PPP1R9A: variants seen among roughly 807,000 people sequenced by gnomAD.
The protein encoded by PPP1R9A is protein phosphatase 1 regulatory subunit 9A, also known as neurabin-1.
Under a neutral mutation model 141.9 loss-of-function variants are expected in PPP1R9A, and 59 were observed. The ratio of observed to expected loss-of-function variants is 0.42; its 90% CI spans 0.34 to 0.52. PPP1R9A has a LOEUF of 0.52. Among genes scored for constraint, PPP1R9A ranks in the 20% least tolerant of loss-of-function variants. The pLI is 0.10. For missense variants in PPP1R9A, 1,444 were observed against 1,611.9 expected (o/e 0.90, Z 1.78); for synonymous variants, 500 against 569.7 (o/e 0.88, Z 1.74).
chr7:95,202,105 T>G (rs996584096), intron 6 of PPP1R9A, among the ~76,000 whole-genome samples: 1 of 152,332 alleles, frequency 6.6e-6, no homozygotes, highest in East Asian at 1.9e-4. Flanking sequence ...CTCTAAAAAC[T>G]ATATTGAGAA....
At chr7:95,035,918 C>T (rs1267785525) in intron 2 of PPP1R9A, 1 of 152,072 alleles carries the variant, frequency 6.6e-6, no homozygotes. Flanking sequence ...AATGCTGTCT[C>T]CTATTTAGGT....
At chr7:95,057,160 G>A (rs1811613571) in intron 2 of PPP1R9A, among the ~76,000 whole-genome samples, 1 of 151,850 alleles carries the variant, frequency 6.6e-6, no homozygotes, top group Non-Finnish European at 1.5e-5. Context: ...TTTTTCTGCT[G>A]TTGTTTGTTC....
intron 12 of PPP1R9A, among the ~76,000 whole-genome samples, chr7:95,267,108 G>A (rs1408138097): frequency 6.6e-6 from 1 of 152,008 alleles, no homozygotes; most frequent in Non-Finnish European, 1.5e-5. Context: ...TGTATCTCCT[G>A]GGCAAAAATG....
intron 8 of PPP1R9A, among the ~76,000 whole-genome samples, chr7:95,237,600 G>A (rs1002746457): frequency 6.6e-6 from 1 of 151,974 alleles, no homozygotes; most frequent in Non-Finnish European, 1.5e-5. Flanking sequence ...ATCTGAAAAA[G>A]CATATATTAA....
chr7:95,271,060 G>T (rs1030867228), intron 14 of PPP1R9A, among the ~76,000 whole-genome samples: 5 of 152,092 alleles, frequency 3.3e-5, no homozygotes, highest in African/African-American at 1.2e-4. Flanking sequence ...AGGTAAGGAG[G>T]GAATAGCGGG....
chr7:95,083,098 C>T (rs952811048), intron 2 of PPP1R9A, among the ~76,000 whole-genome samples: 5 of 151,596 alleles, frequency 3.3e-5, no homozygotes, highest in Non-Finnish European at 5.9e-5. Context: ...GGCTGTGGTC[C>T]CATAACAAAA....
intron 5 of PPP1R9A, among the ~76,000 whole-genome samples, chr7:95,171,037 G>T (rs1832030549): frequency 6.6e-6 from 1 of 151,444 alleles, no homozygotes; most frequent in Non-Finnish European, 1.5e-5. Flanking sequence ...GAAGAGGTAT[G>T]CTATAAGACA....
intron 2 of PPP1R9A, among the ~76,000 whole-genome samples, chr7:95,010,372 C>G (rs920125742): frequency 2.6e-4 from 39 of 152,050 alleles, no homozygotes; most frequent in Non-Finnish European, 4.9e-4. Context: ...CCACTGCACT[C>G]CAGCCTGGGT....
At chr7:95,194,724 A>AG (rs932617347) in intron 5 of PPP1R9A, among the ~76,000 whole-genome samples, 3 of 151,830 alleles carry the variant, frequency 2.0e-5, no homozygotes, top group Admixed American at 6.6e-5. Flanking sequence ...AATACCAAAA[A>AG]AAAAAAAAAA....
chr7:95,028,549 C>T (rs1029608058), intron 2 of PPP1R9A, among the ~76,000 whole-genome samples: 1 of 151,946 alleles, frequency 6.6e-6, no homozygotes, highest in African/African-American at 2.4e-5. Flanking sequence ...TATTAGAAAT[C>T]GTGTGATGGA....
rs552911331 is a variant in PPP1R9A at position 95,029,152 on chromosome 7, T to C, written c.1396-82107T>C. ...AATGTTAACATACAGAGGCCGCGTA[T>C]ATTCTTTGCACCAAATACTTTCCTT... On this transcript the variant is annotated intron_variant, in intron 2 of 19. Transcript: ENST00000433360. 3.3e-5 allele frequency among the ~76,000 whole-genome samples: 5 copies of C among 152,346 alleles called. No individual in the cohort carries two copies. In the East Asian group the frequency reaches 9.6e-4, roughly 29 times the overall value.
intron 2 of PPP1R9A, among the ~76,000 whole-genome samples, chr7:95,039,689 A>G (rs537763640): frequency 3.0e-4 from 45 of 152,126 alleles, no homozygotes; most frequent in Admixed American, 2.0e-3. Flanking sequence ...AAATAGGTCA[A>G]TAGAAGCTTC....
In PPP1R9A at chr7:95,194,843, C is replaced by T. The variant is rs964792634; in HGVS notation, c.1755-3506C>T. Among the ~76,000 whole-genome samples the T allele has an allele frequency of 4.0e-5, 6 of 151,814 alleles. No homozygotes were observed. The East Asian group carries it at 1.2e-3, about 29-fold the overall frequency. On this transcript the variant is annotated intron_variant, in intron 5 of 19. Transcript: ENST00000433360. Reference sequence around the variant, plus strand: ...AAATCTGAATGAATATAGAGATACACCATGTTCAGGGATCAGATAAGTCAA... The same window carrying T: ...AAATCTGAATGAATATAGAGATACATCATGTTCAGGGATCAGATAAGTCAA...
At chr7:95,084,493 G>A (rs547637590) in intron 2 of PPP1R9A, among the ~76,000 whole-genome samples, 5 of 151,866 alleles carry the variant, frequency 3.3e-5, no homozygotes, top group Non-Finnish European at 7.4e-5. Context: ...TTTCATGCTT[G>A]CTTTGTATTT....
intron 2 of PPP1R9A, among the ~76,000 whole-genome samples, chr7:95,082,092 T>C (rs1815933648): frequency 6.6e-6 from 1 of 152,208 alleles, no homozygotes; most frequent in South Asian, 2.1e-4. Context: ...TTATTTGACC[T>C]GACTCAGTGC....
Position 95,241,376 on chromosome 7 carries a change from G to T in PPP1R9A, c.2113-6097G>T, listed in dbSNP as rs192317228. Among the ~76,000 whole-genome samples the T allele has an allele frequency of 1.4e-3, 210 of 152,270 alleles. 1 individual carries two copies. Among genetic ancestry groups the T allele is most frequent in the Middle Eastern group, 0.01 (3 of 294 alleles). On this transcript the variant is annotated intron_variant, in intron 8 of 19. Coordinates refer to ENST00000433360, the MANE Select transcript of PPP1R9A (RefSeq NM_001166160.2). ...TCCACTTTTTGCTTGGGACAGAATG[G>T]ATCTCAAGCCATCAGTGAGGGTGGT...
intron 2 of PPP1R9A, among the ~76,000 whole-genome samples, chr7:95,065,463 T>C (rs1812815261): frequency 6.6e-6 from 1 of 152,220 alleles, no homozygotes; most frequent in Non-Finnish European, 1.5e-5. Context: ...GTAAGTATGG[T>C]GATTTAAAAT....
chr7:95,176,069 C>T (rs1832854695), intron 5 of PPP1R9A, among the ~76,000 whole-genome samples: 1 of 151,872 alleles, frequency 6.6e-6, no homozygotes, highest in Admixed American at 6.6e-5. Flanking sequence ...CCCGAGAGGA[C>T]CCACAGACCC....
At chr7:95,054,246 G>T (rs565184116) in intron 2 of PPP1R9A, among the ~76,000 whole-genome samples, 1 of 151,156 alleles carries the variant, frequency 6.6e-6, no homozygotes, top group South Asian at 2.1e-4. Context: ...CTCCCGAGTA[G>T]CTGAGATTAC....
Sources: allele counts gnomAD v4.1 joint callset (sites outside exome capture counted in the v4.1 genomes callset), GRCh38; gene constraint gnomAD v4.1.1; transcripts MANE v1.5; gene names NCBI Gene and HGNC (gene_info 2026-07-23, HGNC 2026-07-21).